LIPA: variants seen among roughly 807,000 people sequenced by gnomAD.
LIPA encodes lipase A, lysosomal acid type.
LIPA carries 26 observed loss-of-function variants against 40.6 expected under a neutral mutation model. The ratio of observed to expected loss-of-function variants is 0.64; its 90% CI spans 0.47 to 0.89. The LOEUF (loss-of-function observed/expected upper bound fraction) is 0.89. Among genes scored for constraint, LIPA ranks in the 40% least tolerant of loss-of-function variants. The pLI is 0.00. For missense variants in LIPA, 455 were observed against 479.6 expected (o/e 0.95, Z 0.48); for synonymous variants, 188 against 168.4 (o/e 1.12, Z -0.90).
chr10:89,230,001 A>T (rs1052924264), intron 3 of LIPA, among the ~76,000 whole-genome samples: 5 of 152,224 alleles, frequency 3.3e-5, no homozygotes, highest in African/African-American at 1.2e-4. Flanking sequence ...AAAAAGGCTC[A>T]CACACACAAA....
intron 2 of LIPA, chr10:89,384,954 C>T (rs79156628): frequency 0.017 from 8,627 of 519,948 alleles, 554 homozygotes; most frequent in African/African-American, 0.14. Context: ...CATAAGACCC[C>T]CTGAAAGTAT....
intron 1 of LIPA, among the ~76,000 whole-genome samples, chr10:89,265,000 C>T (rs1367274759): frequency 6.6e-6 from 1 of 152,228 alleles, no homozygotes; most frequent in African/African-American, 2.4e-5. Context: ...CTCCCATGCT[C>T]ATTGGCCCCC....
chr10:89,244,586 A>AAAAT (rs955181074), intron 3 of LIPA, among the ~76,000 whole-genome samples: 1 of 152,052 alleles, frequency 6.6e-6, no homozygotes, highest in South Asian at 2.1e-4. Flanking sequence ...CCGTCTCAAA[A>AAAAT]AAATAAATAA....
chr10:89,334,682 G>A (rs1337215473), intron 1 of LIPA, among the ~76,000 whole-genome samples: 2 of 150,588 alleles, frequency 1.3e-5, no homozygotes, highest in Admixed American at 6.6e-5. Context: ...TAGTACAGGC[G>A]GGGTTTCATC....
chr10:89,413,758 C>A (rs304436), intron 1 of LIPA, among the ~76,000 whole-genome samples: 25,064 of 140,354 alleles, frequency 0.18, 2,802 homozygotes, highest in East Asian at 0.46. Context: ...CAGAGTGAGA[C>A]CCTGTCTCAA....
intron 1 of LIPA, among the ~76,000 whole-genome samples, chr10:89,320,929 C>T (rs1301372436): frequency 1.3e-5 from 2 of 152,020 alleles, no homozygotes; most frequent in Non-Finnish European, 2.9e-5. Flanking sequence ...CTACAACCAT[C>T]TGATCTTTGA....
rs773321041 is a variant in LIPA, at chr10:89,228,192, AT to A, written c.428+7del. The A allele has an allele frequency of 2.5e-6, 4 of 1,610,418 alleles. No homozygotes were observed. Among genetic ancestry groups the A allele is most frequent in the Admixed American group, 1.7e-5 (1 of 60,030 alleles). On this transcript the variant is annotated splice_region_variant and intron_variant, in intron 4 of 9. Coordinates refer to ENST00000336233, the MANE Select transcript of LIPA (RefSeq NM_000235.4). ...AATACATCCATGCCATTATCAATTCATATATACCTGAAAGCCCAGAATTCAT... is the reference window on the plus strand; with the variant it reads ...AATACATCCATGCCATTATCAATTCAATATACCTGAAAGCCCAGAATTCAT...
chr10:89,267,472 C>T (rs956968280), intron 1 of LIPA, among the ~76,000 whole-genome samples: 7 of 151,114 alleles, frequency 4.6e-5, no homozygotes, highest in East Asian at 2.0e-4. Context: ...AGTAAACTAT[C>T]GCAAGAACAA....
At chr10:89,320,224 C>G (rs1038928708) in intron 1 of LIPA, among the ~76,000 whole-genome samples, 13 of 152,252 alleles carry the variant, frequency 8.5e-5, no homozygotes, top group African/African-American at 3.1e-4. Flanking sequence ...CCAGGGCAAT[C>G]AGGCAGGAGA....
At chr10:89,345,293 C>A (rs576098508), upstream of LIPA, among the ~76,000 whole-genome samples, 28 of 151,284 alleles carry the variant, frequency 1.9e-4, no homozygotes, top group Non-Finnish European at 3.0e-4. Context: ...CTTTGGGAGG[C>A]TGAGGTGAGC....
intron 1 of LIPA, among the ~76,000 whole-genome samples, chr10:89,329,674 T>C (rs527316054): frequency 1.3e-5 from 2 of 152,324 alleles, no homozygotes; most frequent in South Asian, 4.1e-4. Context: ...TTGCTCCCTT[T>C]ACACACTCAC....
At chr10:89,224,468 C>A in intron 6 of LIPA, among the ~76,000 whole-genome samples, 1 of 152,262 alleles carries the variant, frequency 6.6e-6, no homozygotes, top group South Asian at 2.1e-4. Context: ...TATTTCTATA[C>A]AGGATTTCAT....
intron 1 of LIPA, among the ~76,000 whole-genome samples, chr10:89,260,453 ATGGATGAGAGGTTGGGTAGCTG>A (rs1343914852): frequency 2.0e-5 from 3 of 152,226 alleles, no homozygotes; most frequent in Admixed American, 6.5e-5. Context: ...CACCTGGCTT[ATGGATGAGAGGTTGGGTAGCTG>A]TGGAGAAGAT....
In LIPA at chr10:89,237,983, G is replaced by T. The variant is rs529504357; in HGVS notation, c.229+7693C>A. On this transcript the variant is annotated intron_variant, in intron 3 of 9. Coordinates refer to ENST00000336233, the MANE Select transcript of LIPA (RefSeq NM_000235.4). The stretch of plus-strand genomic sequence containing the variant: ...CCCCAACAGAGAGAACATCATGAAG[G>T]TCTGGAAGAATTACACCACTGAAGA... Among the ~76,000 whole-genome samples, 8 of 152,288 alleles carry T rather than the reference G, an allele frequency of 5.3e-5. 1 individual carries two copies. Among genetic ancestry groups the T allele is most frequent in the African/African-American group, 1.4e-4 (6 of 41,546 alleles).
At position 89,406,259 on chromosome 10, in the gene LIPA, T is replaced by TG. The variant is rs1407121650; in HGVS notation, c.61+6531dup. The TG allele has an allele frequency of 2.0e-5, 3 of 152,306 alleles. No individual in the cohort carries two copies. The East Asian group carries it at 5.8e-4, about 29-fold the overall frequency. 9.4% of individuals were successfully genotyped at this position (152,306 alleles called of 1,614,324 possible). On this transcript the variant is annotated intron_variant, in intron 2 of 8. Coordinates refer to the LIPA transcript ENST00000371837. ...TGGGCTTCTGGGTTGGGTGGGGACT[T>TG]GGAGAACTTTTCTGTCTAGCTAAAG...
chr10:89,405,546 A>T (rs1354253020), intron 2 of LIPA: 1 of 152,220 alleles, frequency 6.6e-6, no homozygotes, highest in Non-Finnish European at 1.5e-5. Flanking sequence ...AGAAGTCTGA[A>T]ATGGGTTTCA....
At chr10:89,380,456 G>A (rs5026213) in intron 2 of LIPA, among the ~76,000 whole-genome samples, 2 of 142,360 alleles carry the variant, frequency 1.4e-5, no homozygotes, top group African/African-American at 5.2e-5. Flanking sequence ...TTTTTTTCCA[G>A]ACAGGGCCTC....
rs924166973 is a variant in LIPA, at chr10:89,339,855, C to T, written c.-2+2756G>A. On this transcript the variant is annotated intron_variant, in intron 1 of 5. Coordinates refer to the LIPA transcript ENST00000282673. ...CAACTGACAAGGAAGAGATCAAAGA[C>T]CAACCACAGAATGTATCTGAAAATC... 12 of 1,614,162 alleles carry T rather than the reference C, an allele frequency of 7.4e-6. 1 individual carries two copies. Among genetic ancestry groups the T allele is most frequent in the Non-Finnish European group, 8.5e-6 (10 of 1,180,012 alleles).
At chr10:89,236,703 T>G (rs1440148128) in intron 3 of LIPA, among the ~76,000 whole-genome samples, 1 of 152,196 alleles carries the variant, frequency 6.6e-6, no homozygotes, top group Admixed American at 6.5e-5. Flanking sequence ...TCATTGCAGC[T>G]ATGACAGCAA....
Sources: allele counts gnomAD v4.1 joint callset (sites outside exome capture counted in the v4.1 genomes callset), GRCh38; gene constraint gnomAD v4.1.1; transcripts MANE v1.5; gene names NCBI Gene and HGNC (gene_info 2026-07-23, HGNC 2026-07-21).